Variants in DDX19B observed in about 807,000 individuals in gnomAD.
DDX19B encodes DEAD-box helicase 19B, also known as ATP-dependent RNA helicase DDX19B.
In DDX19B, 27 loss-of-function variants were observed where a neutral mutation model predicts 58.1. The observed-to-expected ratio is 0.46, with a 90% CI of 0.34 to 0.64. The LOEUF (loss-of-function observed/expected upper bound fraction) is 0.64, where lower values mean the gene tolerates loss of function less well. Among genes scored for constraint, DDX19B ranks in the 30% least tolerant of loss-of-function variants. The pLI, the probability that DDX19B is intolerant of heterozygous loss-of-function variation, is 0.01. For missense variants in DDX19B, 399 were observed against 596.5 expected (o/e 0.67, Z 3.45); for synonymous variants, 187 against 214.4 (o/e 0.87, Z 1.12).
intron 5 of DDX19B, among the ~76,000 whole-genome samples, chr16:70,323,182 C>G (rs1380726965): frequency 6.6e-6 from 1 of 152,044 alleles, no homozygotes; most frequent in South Asian, 2.1e-4. Context: ...AGCCTGCAAC[C>G]TCCACCCTCC....
At chr16:70,296,245 A>G (rs1961215982), upstream of DDX19B, among the ~76,000 whole-genome samples, 1 of 150,184 alleles carries the variant, frequency 6.7e-6, no homozygotes, top group Non-Finnish European at 1.5e-5. Context: ...CTCGTGATCC[A>G]CCACCTTGGC....
upstream of DDX19B, among the ~76,000 whole-genome samples, chr16:70,298,446 G>A (rs1359712767): frequency 2.0e-5 from 3 of 151,742 alleles, no homozygotes; most frequent in Non-Finnish European, 2.9e-5. Flanking sequence ...TTACAGGCAT[G>A]AGCCACCACA....
rs796670955 is a variant in DDX19B at position 70,318,968 on chromosome 16, G to T, written c.389+1380G>T. ...AAATACAAAAAATTAGCTGGGCGTG[G>T]TGGTGGGCGCCTGTGGTCCCAGCTA... On this transcript the variant is annotated intron_variant, in intron 5 of 11. Transcript: ENST00000288071. Among the ~76,000 whole-genome samples the T allele has an allele frequency of 2.6e-4, 39 of 151,862 alleles. 1 individual carries two copies. The highest frequency in any genetic ancestry group is 9.2e-4 in the African/African-American group (38 of 41,404).
chr16:70,329,236 A>AG, intron 7 of DDX19B, 56 bp from the exon 8 acceptor site: 1 of 1,565,702 alleles, frequency 6.4e-7, no homozygotes, highest in Non-Finnish European at 8.6e-7. Context: ...AAAAAAAAAA[A>AG]AAAAAAAGAA....
chr16:70,319,175 C>A (rs138096460), intron 5 of DDX19B, among the ~76,000 whole-genome samples: 76 of 152,244 alleles, frequency 5.0e-4, no homozygotes, highest in African/African-American at 1.5e-3. Context: ...ATATGATCAT[C>A]TTCCTATGTT....
At chr16:70,298,354 C>T (rs189644098), upstream of DDX19B, among the ~76,000 whole-genome samples, 803 of 151,868 alleles carry the variant, frequency 5.3e-3, 1 homozygote, top group Middle Eastern at 0.02. Context: ...TGCAGTGAGC[C>T]GAAATCGTGC....
chr16:70,329,341 G>A lies in DDX19B; in HGVS notation c.657G>A (p.Gly219=). The change falls in exon 8 of 12, where the codon GGG becomes GGA. Residue 219 remains glycine (G), a synonymous_variant. Transcript: ENST00000288071. The part of the protein sequence containing the change: ...ISEQIVIGTP[G]TVLDWCSKLK... ...AGCAGATTGTCATTGGCACCCCTGG[G>A]ACTGTGCTGGACTGGTGCTCCAAGC... 2.5e-6 allele frequency: 4 copies of A among 1,614,090 alleles called. No individual in the cohort carries two copies. The highest frequency in any genetic ancestry group is 3.4e-6 in the Non-Finnish European group (4 of 1,180,004).
chr16:70,327,580 A>G (rs1486753257), intron 7 of DDX19B, among the ~76,000 whole-genome samples: 1 of 149,632 alleles, frequency 6.7e-6, no homozygotes, highest in Non-Finnish European at 1.5e-5. Context: ...TTTTTTTTGT[A>G]AAGACAGTGT....
intron 7 of DDX19B, among the ~76,000 whole-genome samples, chr16:70,328,080 G>A (rs561093067): frequency 6.6e-6 from 1 of 151,912 alleles, no homozygotes; most frequent in East Asian, 2.0e-4. Flanking sequence ...CTTGAACCCG[G>A]GAGGGGGAGG....
upstream of DDX19B, among the ~76,000 whole-genome samples, chr16:70,296,028 A>C (rs1961205371): frequency 6.9e-6 from 1 of 145,396 alleles, no homozygotes; most frequent in Non-Finnish European, 1.5e-5. Flanking sequence ...TTTTTGAGAC[A>C]GAGGCTCGCT....
chr16:70,302,817 CA>C (rs1204348584), intron 1 of DDX19B, among the ~76,000 whole-genome samples: 1 of 152,144 alleles, frequency 6.6e-6, no homozygotes, highest in Non-Finnish European at 1.5e-5. Flanking sequence ...AGTTATGTGC[CA>C]AACTATTTTC....
chr16:70,319,154 G>T (rs919841880), intron 5 of DDX19B, among the ~76,000 whole-genome samples: 4 of 152,084 alleles, frequency 2.6e-5, no homozygotes, highest in Non-Finnish European at 5.9e-5. Context: ...TACATGCTGT[G>T]TTTTTTAATT....
intron 7 of DDX19B, among the ~76,000 whole-genome samples, chr16:70,327,878 T>C (rs2152211979): frequency 6.6e-6 from 1 of 152,282 alleles, no homozygotes; most frequent in East Asian, 1.9e-4. Context: ...TGGCCGGACA[T>C]GATGGCTCAT....
chr16:70,323,809 C>G (rs1007968030), intron 5 of DDX19B, among the ~76,000 whole-genome samples: 1 of 152,122 alleles, frequency 6.6e-6, no homozygotes, highest in Admixed American at 6.6e-5. Flanking sequence ...CTACCAAAAC[C>G]TACATCTTGT....
chr16:70,321,423 A>C (rs1376123232), intron 5 of DDX19B, among the ~76,000 whole-genome samples: 1 of 152,172 alleles, frequency 6.6e-6, no homozygotes, highest in Admixed American at 6.5e-5. Context: ...CCTAGCCAAG[A>C]AGCTCATTTT....
intron 1 of DDX19B, among the ~76,000 whole-genome samples, chr16:70,300,551 G>C (rs1961441137): frequency 6.6e-6 from 1 of 151,530 alleles, no homozygotes; most frequent in Non-Finnish European, 1.5e-5. Flanking sequence ...TTTTTTGAGA[G>C]AGGGTCTTGC....
chr16:70,329,800 TG>T (rs1256880632), intron 8 of DDX19B, 30 bp from the exon 9 acceptor site: 1 of 1,613,420 alleles, frequency 6.2e-7, no homozygotes, highest in Non-Finnish European at 8.5e-7. Context: ...CGGGGCCACC[TG>T]GGGCCACCTA....
intron 7 of DDX19B, among the ~76,000 whole-genome samples, chr16:70,328,051 G>A (rs187335796): frequency 1.3e-5 from 2 of 151,916 alleles, no homozygotes; most frequent in Admixed American, 1.3e-4. Flanking sequence ...CTACTCAGGA[G>A]GCTGAGGCAG....
In DDX19B at chr16:70,307,697, GTA is replaced by G. The variant is rs368414303; in HGVS notation, c.58-4906_58-4905del. 5.8e-4 allele frequency among the ~76,000 whole-genome samples: 87 copies of G among 150,050 alleles called. 2 individuals carry two copies. The highest frequency in any genetic ancestry group is 8.6e-4 in the Non-Finnish European group (58 of 67,682). On this transcript the variant is annotated intron_variant, in intron 1 of 11. Transcript: ENST00000288071. ...TATATGTGTGTGTGTGTGTGTGTAT[GTA>G]TATATGTGTGTGTGTGTATATATGT...
Sources: allele counts gnomAD v4.1 joint callset (sites outside exome capture counted in the v4.1 genomes callset), GRCh38; gene constraint gnomAD v4.1.1; transcripts MANE v1.5; gene names NCBI Gene and HGNC (gene_info 2026-07-23, HGNC 2026-07-21).